GRID1: variants seen among roughly 807,000 people sequenced by gnomAD.
GRID1 encodes the protein glutamate receptor ionotropic, delta-1.
In GRID1, 28 loss-of-function variants were observed where a neutral mutation model predicts 98.0. The observed-to-expected ratio is 0.29, with a 90% CI of 0.21 to 0.39. The LOEUF is 0.39. GRID1 is among the 10% of genes least tolerant of loss of function. The pLI is 1.00. For missense variants in GRID1, 1,111 were observed against 1,340.5 expected, an observed-to-expected ratio of 0.83 and a Z score of 2.67; for synonymous variants, 553 against 538.5, an observed-to-expected ratio of 1.03 and a Z score of -0.37.
chr10:86,351,500 C>T (rs1589459007), intron 2 of GRID1, among the ~76,000 whole-genome samples: 1 of 152,318 alleles, frequency 6.6e-6, no homozygotes, highest in African/African-American at 2.4e-5. Context: ...GAAAGACAGC[C>T]AGCCCTCTAG....
rs144576625 is a variant in GRID1, at chr10:86,058,949, T to C, written c.726+79870A>G. On this transcript the variant is annotated intron_variant, in intron 4 of 15. Transcript: ENST00000327946. The stretch of plus-strand genomic sequence containing the variant: ...GCTAGGAAGAACAGGTACTGGGCCC[T>C]GTGAGGACATAACACTGGGCAGCAG... 1.6e-4 allele frequency among the ~76,000 whole-genome samples: 24 copies of C among 152,306 alleles called. No individual in the cohort carries two copies. The East Asian group carries it at 2.7e-3, about 17-fold the overall frequency.
intron 2 of GRID1, among the ~76,000 whole-genome samples, chr10:86,242,187 T>G (rs917868405): frequency 6.6e-6 from 1 of 152,212 alleles, no homozygotes; most frequent in Non-Finnish European, 1.5e-5. Context: ...CTGAGCCTTT[T>G]GAAGGCAGAG....
At chr10:86,121,451 TCATCATCACCATCAC>T (rs1844667150) in intron 4 of GRID1, among the ~76,000 whole-genome samples, 1 of 32,528 alleles carries the variant, frequency 3.1e-5, no homozygotes, top group African/African-American at 1.1e-4. Context: ...AACATAATCA[TCATCATCACCATCAC>T]CATCATCATC....
chr10:86,033,038 G>A (rs911519341), intron 4 of GRID1, among the ~76,000 whole-genome samples: 3 of 151,780 alleles, frequency 2.0e-5, no homozygotes, highest in Non-Finnish European at 4.4e-5. Context: ...GAAAATTCAA[G>A]CCCAGAAACT....
rs181871919 is a variant in GRID1, at chr10:85,981,850, A to G, written c.727-65611T>C. Among the ~76,000 whole-genome samples the G allele has an allele frequency of 1.6e-4, 25 of 152,350 alleles. No individual in the cohort carries two copies. In the East Asian group the frequency reaches 4.2e-3, roughly 26 times the overall value. ...TTAACATATGAAACAATGTCAAGTC[A>G]TGACAAATACGATGAAGTCAGGCGG... On this transcript the variant is annotated intron_variant, in intron 4 of 15. Transcript: ENST00000327946.
chr10:86,114,556 A>T (rs779845519), intron 4 of GRID1, among the ~76,000 whole-genome samples: 3 of 152,138 alleles, frequency 2.0e-5, no homozygotes, highest in Non-Finnish European at 4.4e-5. Flanking sequence ...CTGATGCCAC[A>T]GCCTGCATTC....
chr10:86,267,463 A>G (rs1228293827), intron 2 of GRID1, among the ~76,000 whole-genome samples: 1 of 152,198 alleles, frequency 6.6e-6, no homozygotes, highest in African/African-American at 2.4e-5. Flanking sequence ...CAGCCCCTAC[A>G]TCTCCCTGGC....
intron 2 of GRID1, among the ~76,000 whole-genome samples, chr10:86,283,741 A>G (rs1847388723): frequency 6.8e-6 from 1 of 147,594 alleles, no homozygotes; most frequent in South Asian, 2.2e-4. Flanking sequence ...TCATACACAC[A>G]CCTCCATATA....
At chr10:85,657,749 T>A (rs747371340) in intron 12 of GRID1, among the ~76,000 whole-genome samples, 3 of 152,108 alleles carry the variant, frequency 2.0e-5, no homozygotes, top group Non-Finnish European at 4.4e-5. Flanking sequence ...GGGAATCAGA[T>A]CTAGTTCTTT....
chr10:86,222,820 C>T (rs948001549), intron 2 of GRID1, among the ~76,000 whole-genome samples: 2 of 152,114 alleles, frequency 1.3e-5, no homozygotes, highest in Non-Finnish European at 2.9e-5. Context: ...GGCAGGGCAC[C>T]CCCTTCCTCA....
intron 4 of GRID1, among the ~76,000 whole-genome samples, chr10:85,998,785 C>T (rs765029781): frequency 2.0e-5 from 3 of 152,112 alleles, no homozygotes; most frequent in African/African-American, 7.2e-5. Flanking sequence ...ACACAAATAA[C>T]CAATTTTAGA....
rs532889545 is a variant in GRID1 at position 86,065,146 on chromosome 10, T to C, written c.726+73673A>G. On this transcript the variant is annotated intron_variant, in intron 4 of 15. Transcript: ENST00000327946. ...GGCCTCCATAGACATCTATCTGAGA[T>C]TGCAACCCTCTGGCAATCCTCTGGC... Among the ~76,000 whole-genome samples the C allele has an allele frequency of 3.9e-5, 6 of 152,310 alleles. No homozygotes were observed. The East Asian group carries it at 1.2e-3, about 29-fold the overall frequency.
At chr10:85,788,088 AT>A (rs1411464788) in intron 8 of GRID1, among the ~76,000 whole-genome samples, 6 of 151,878 alleles carry the variant, frequency 4.0e-5, no homozygotes, top group Non-Finnish European at 1.5e-5. Flanking sequence ...AAAAGAAGTT[AT>A]TTTGCCTTTT....
chr10:85,922,558 C>T (rs1184670499), intron 4 of GRID1, among the ~76,000 whole-genome samples: 1 of 152,220 alleles, frequency 6.6e-6, no homozygotes, highest in East Asian at 1.9e-4. Context: ...GAACATTCCC[C>T]CCGTGAAGCC....
At chr10:86,257,713 C>G (rs1357326139) in intron 2 of GRID1, among the ~76,000 whole-genome samples, 1 of 152,138 alleles carries the variant, frequency 6.6e-6, no homozygotes, top group Non-Finnish European at 1.5e-5. Context: ...AGGGAATAGC[C>G]AGGCAGGTGT....
intron 3 of GRID1, among the ~76,000 whole-genome samples, chr10:86,194,902 T>C (rs778053295): frequency 2.6e-5 from 4 of 151,982 alleles, no homozygotes; most frequent in Non-Finnish European, 5.9e-5. Flanking sequence ...CTTACAGCAG[T>C]TCCTGTCAGG....
At chr10:86,330,077 G>A (rs948342241) in intron 2 of GRID1, among the ~76,000 whole-genome samples, 12 of 151,968 alleles carry the variant, frequency 7.9e-5, no homozygotes, top group African/African-American at 2.4e-4. Context: ...TCCCAGTAGC[G>A]TCAGGCATCA....
At chr10:86,021,111 T>C (rs1048780300) in intron 4 of GRID1, among the ~76,000 whole-genome samples, 1 of 152,162 alleles carries the variant, frequency 6.6e-6, no homozygotes, top group Non-Finnish European at 1.5e-5. Flanking sequence ...CACTCTACAA[T>C]GCAAAGACCA....
At chr10:86,024,407 C>T (rs569796642) in intron 4 of GRID1, among the ~76,000 whole-genome samples, 1 of 152,344 alleles carries the variant, frequency 6.6e-6, no homozygotes, top group South Asian at 2.1e-4. Context: ...TCGCTCTCAT[C>T]TGTCACACAT....
Sources: allele counts gnomAD v4.1 joint callset (sites outside exome capture counted in the v4.1 genomes callset), GRCh38; gene constraint gnomAD v4.1.1; transcripts MANE v1.5; gene names NCBI Gene and HGNC (gene_info 2026-07-23, HGNC 2026-07-21).